The following ANKAR variants were observed in gnomAD, a reference collection of about 807,000 sequenced individuals.
The protein encoded by ANKAR is ankyrin and armadillo repeat-containing protein.
A neutral mutation model predicts 146.2 loss-of-function variants in ANKAR; 136 were observed. That is an observed-to-expected ratio of 0.93 (90% confidence interval 0.81 to 1.07). The LOEUF (loss-of-function observed/expected upper bound fraction) is 1.07, where lower values mean the gene tolerates loss of function less well. ANKAR is among the 50% of genes least tolerant of loss of function. ANKAR has a pLI of 0.00. For synonymous variants in ANKAR, 500 were observed against 575.8 expected (o/e 0.87, Z 1.88); for missense variants, 1,567 against 1,679.9 (o/e 0.93, Z 1.18).
intron 2 of ANKAR, 46 bp downstream of exon 2, chr2:189,677,137 AAC>A: frequency 8.0e-7 from 1 of 1,256,884 alleles, no homozygotes; most frequent in African/African-American, 1.6e-5. Flanking sequence ...TTTTTTTTGG[AAC>A]AGAGTCTTAC....
chr2:189,729,334 A>T (rs1240312302), intron 15 of ANKAR, among the ~76,000 whole-genome samples: 3 of 152,192 alleles, frequency 2.0e-5, no homozygotes, highest in African/African-American at 7.2e-5. Context: ...GCTGACCTTG[A>T]TGAATGCAGG....
Position 189,694,989 on chromosome 2 carries a change from TG to T in ANKAR, c.1317del (p.Ile440SerfsTer5). On this transcript the variant is annotated frameshift_variant, in exon 6 of 23. Coordinates refer to ENST00000684021, the MANE Select transcript of ANKAR (RefSeq NM_001378068.1). LOFTEE classifies it high-confidence loss of function. Reference protein sequence around the residue: ...VMEFHGKSYYVIYFELETFYQ... With the variant: ...VMEFHGKSYYXIYFELETFYQ... ...TTCTTTATTTTTTATAGCTACTATG[TG>T]ATCTATTTTGAACTAGAAACTTTCT... 1.3e-6 allele frequency: 2 copies of T among 1,502,654 alleles called. No individual in the cohort carries two copies. The highest frequency in any genetic ancestry group is 1.8e-6 in the Non-Finnish European group (2 of 1,122,702). The allele number at this position is 1,502,654 out of a possible 1,614,324, so 93.1% of individuals were successfully genotyped here.
intron 3 of ANKAR, among the ~76,000 whole-genome samples, chr2:189,690,695 G>A (rs1335691751): frequency 2.0e-5 from 3 of 152,126 alleles, no homozygotes; most frequent in Middle Eastern, 3.2e-3. Flanking sequence ...GAATTCAGGT[G>A]CTGTGTTTTA....
At chr2:189,708,720 A>G (rs1048497611) in intron 9 of ANKAR, among the ~76,000 whole-genome samples, 2 of 152,220 alleles carry the variant, frequency 1.3e-5, no homozygotes, top group Non-Finnish European at 2.9e-5. Context: ...GAAATAACCA[A>G]ATCGTAAGTT....
intron 21 of ANKAR, 66 bp downstream of exon 21, chr2:189,743,540 G>A (rs2105904727): frequency 7.2e-7 from 1 of 1,397,734 alleles, no homozygotes; most frequent in Non-Finnish European, 9.9e-7. Flanking sequence ...ATGAGGTTTA[G>A]TAAGATCCAA....
At chr2:189,727,568 T>G (rs1050128419) in intron 12 of ANKAR, among the ~76,000 whole-genome samples, 3 of 151,342 alleles carry the variant, frequency 2.0e-5, no homozygotes, top group African/African-American at 7.3e-5. Context: ...AGGGAATGTT[T>G]TAATTGTAAG....
chr2:189,738,993 T>TA (rs1276859033), intron 19 of ANKAR, among the ~76,000 whole-genome samples: 2 of 152,064 alleles, frequency 1.3e-5, no homozygotes, highest in Non-Finnish European at 2.9e-5. Flanking sequence ...AACAGCAAAA[T>TA]AAAAAAACTG....
Position 189,746,368 on chromosome 2 carries a change from G to A in ANKAR, c.4058-12G>A, listed in dbSNP as rs763631568. The A allele has an allele frequency of 4.4e-6, 7 of 1,594,920 alleles. No individual in the cohort carries two copies. Among genetic ancestry groups the A allele is most frequent in the Non-Finnish European group, 6.0e-6 (7 of 1,173,974 alleles). ...CTCTCAGGAGAGACATTTAATTGTG[G>A]CTAATTTTTAGGGAAGGAGCACCGA... is the stretch of plus-strand genomic sequence containing the variant. On this transcript the variant is annotated splice_polypyrimidine_tract_variant and intron_variant, in intron 22 of 22. Transcript: ENST00000684021.
intron 7 of ANKAR, 37 bp from the exon 8 acceptor site, chr2:189,704,986 T>C: frequency 1.3e-6 from 2 of 1,590,080 alleles, no homozygotes; most frequent in Non-Finnish European, 1.7e-6. Context: ...GGAATGGTAG[T>C]GCTGTGATCA....
At chr2:189,708,336 T>C (rs1046554713) in intron 9 of ANKAR, among the ~76,000 whole-genome samples, 3 of 152,266 alleles carry the variant, frequency 2.0e-5, no homozygotes, top group Non-Finnish European at 4.4e-5. Context: ...AATCTATTAT[T>C]AGTTATTGTT....
chr2:189,689,795 AAGATTATATCTTCAAAAAAAG>A lies in ANKAR; in HGVS notation c.872_892del (p.Arg291_Lys297del). 1 of 1,609,188 alleles carries A rather than the reference AAGATTATATCTTCAAAAAAAG, an allele frequency of 6.2e-7. No individual in the cohort carries two copies. The highest frequency in any genetic ancestry group is 1.7e-5 in the Admixed American group (1 of 59,234). ...TCTGTACCTACCAGAGACTACAGCA[AAGATTATATCTTCAAAAAAAG>A]ATTATTCAAAAACACTTTGAGAAGA... On this transcript the variant is annotated inframe_deletion, in exon 3 of 23. Coordinates refer to ENST00000684021, the MANE Select transcript of ANKAR (RefSeq NM_001378068.1).
chr2:189,706,956 G>C lies in ANKAR; in HGVS notation c.1929G>C (p.Leu643=). 6.2e-7 allele frequency: 1 copy of C among 1,612,428 alleles called. No individual in the cohort carries two copies. The highest frequency in any genetic ancestry group is 8.5e-7 in the Non-Finnish European group (1 of 1,179,298). ...EATAENQCTP[L]LLAATSGALD... is the part of the protein sequence containing the mutation. ...TTTTTAGGAATCAGTGCACTCCACT[G>C]TTACTTGCTGCCACTTCAGGAGCAC... The change falls in exon 9 of 23, where the codon CTG becomes CTC. Residue 643 remains leucine (L), a synonymous_variant. Coordinates refer to ENST00000684021, the MANE Select transcript of ANKAR (RefSeq NM_001378068.1).
At chr2:189,752,404 G>A (rs1201340971) in intron 18 of ANKAR, among the ~76,000 whole-genome samples, 3 of 152,130 alleles carry the variant, frequency 2.0e-5, no homozygotes, top group Non-Finnish European at 4.4e-5. Context: ...TCCAAAGGAG[G>A]GAATTCATCA....
At chr2:189,721,992 A>G (rs1396068002) in intron 12 of ANKAR, among the ~76,000 whole-genome samples, 1 of 152,146 alleles carries the variant, frequency 6.6e-6, no homozygotes, top group African/African-American at 2.4e-5. Context: ...CAAATTCCTT[A>G]TGCTCTCTCT....
At chr2:189,700,468 G>A (rs1434032997) in intron 7 of ANKAR, among the ~76,000 whole-genome samples, 4 of 152,016 alleles carry the variant, frequency 2.6e-5, no homozygotes, top group Non-Finnish European at 4.4e-5. Context: ...TTTTGATACA[G>A]GCATGCAATG....
chr2:189,725,041 T>C (rs1182606225), intron 12 of ANKAR, among the ~76,000 whole-genome samples: 1 of 152,160 alleles, frequency 6.6e-6, no homozygotes, highest in African/African-American at 2.4e-5. Flanking sequence ...TGAGCTTGTA[T>C]GTCATAATGA....
At chr2:189,683,568 G>A (rs765631082) in intron 2 of ANKAR, among the ~76,000 whole-genome samples, 6 of 152,186 alleles carry the variant, frequency 3.9e-5, no homozygotes, top group Non-Finnish European at 5.9e-5. Context: ...TGGAAACTTG[G>A]CTGCAGCCCT....
intron 15 of ANKAR, among the ~76,000 whole-genome samples, 198 bp downstream of exon 15, chr2:189,729,019 A>T (rs1054598986): frequency 1.3e-5 from 2 of 152,216 alleles, no homozygotes; most frequent in African/African-American, 4.8e-5. Context: ...TAAGAATCTT[A>T]TATCAGTCTT....
intron 10 of ANKAR, among the ~76,000 whole-genome samples, chr2:189,715,361 C>T (rs1257742428): frequency 6.6e-6 from 1 of 152,144 alleles, no homozygotes; most frequent in Non-Finnish European, 1.5e-5. Flanking sequence ...AATTCCTGGA[C>T]ACATACAACC....
Sources: gnomAD v4.1 joint callset for allele counts (sites outside exome capture counted in the v4.1 genomes callset) on GRCh38, gnomAD v4.1.1 for gene constraint, MANE v1.5 for transcripts, NCBI Gene and HGNC (gene_info 2026-07-23, HGNC 2026-07-21) for gene names.